Variants in EXOC6 observed in about 807,000 individuals in gnomAD.
The protein encoded by EXOC6 is exocyst complex component 6, also known as SEC15-like 1.
EXOC6 carries 60 observed loss-of-function variants against 112.5 expected under a neutral mutation model. The ratio of observed to expected loss-of-function variants is 0.53; its 90% CI spans 0.43 to 0.66. EXOC6 has a LOEUF of 0.66. Ranked by LOEUF, EXOC6 falls within the 30% of genes least tolerant of loss-of-function variation. The pLI, the probability that EXOC6 is intolerant of heterozygous loss-of-function variation, is 0.00. For synonymous variants in EXOC6, 295 were observed against 308.0 expected (o/e 0.96, Z 0.44); for missense variants, 855 against 957.1 (o/e 0.89, Z 1.41).
At chr10:92,946,322 A>C (rs1371781366) in intron 13 of EXOC6, among the ~76,000 whole-genome samples, 1 of 151,600 alleles carries the variant, frequency 6.6e-6, no homozygotes, top group African/African-American at 2.4e-5. Context: ...TGAACCCGGG[A>C]GGCTGAGGCT....
chr10:93,020,932 T>G (rs896251694), intron 20 of EXOC6, among the ~76,000 whole-genome samples: 2 of 150,690 alleles, frequency 1.3e-5, no homozygotes, highest in Non-Finnish European at 3.0e-5. Context: ...TCTCTAAAAT[T>G]CCCTCATCTG....
At chr10:93,028,424 G>A (rs1208199367) in intron 20 of EXOC6, among the ~76,000 whole-genome samples, 1 of 152,220 alleles carries the variant, frequency 6.6e-6, no homozygotes, top group African/African-American at 2.4e-5. Flanking sequence ...AAATGTGATT[G>A]AGTTGCTAAA....
intron 1 of EXOC6, among the ~76,000 whole-genome samples, chr10:92,868,771 C>A (rs1001053539): frequency 6.7e-6 from 1 of 149,618 alleles, no homozygotes; most frequent in Non-Finnish European, 1.5e-5. Context: ...TTTAATTGGG[C>A]CCTCCCTTCC....
At chr10:93,045,310 T>C (rs1346660127) in intron 20 of EXOC6, among the ~76,000 whole-genome samples, 1 of 152,234 alleles carries the variant, frequency 6.6e-6, no homozygotes, top group Non-Finnish European at 1.5e-5. Flanking sequence ...GAAGACTAAA[T>C]TAATCTAGCT....
chr10:93,018,303 G>A (rs1251831518), intron 20 of EXOC6, among the ~76,000 whole-genome samples: 1 of 152,014 alleles, frequency 6.6e-6, no homozygotes, highest in Admixed American at 6.6e-5. Flanking sequence ...TGGTGAATAT[G>A]TTTTTTAAAT....
At chr10:92,829,850 A>G (rs1846444562), upstream of EXOC6, among the ~76,000 whole-genome samples, 1 of 152,160 alleles carries the variant, frequency 6.6e-6, no homozygotes, top group Non-Finnish European at 1.5e-5. Flanking sequence ...ACTTCTGATC[A>G]TCCTCACTGC....
rs1851338799 is a variant in EXOC6 at position 92,920,004 on chromosome 10, T to A, written c.842T>A (p.Val281Asp). The part of the protein sequence containing the change: ...EEEILTVQDL[V>D]DFSPVYRCLH... ...CAGATCTTAACTGTTCAGGATCTTG[T>A]TGATTTTTCCCCTGTTTATCGATGT... Residue 281 changes from valine to aspartate, a missense_variant, in exon 8 of 22, where the codon GTT becomes GAT. Physicochemically the swap from Val to Asp is radical, Grantham distance 152. Coordinates refer to ENST00000260762, the MANE Select transcript of EXOC6 (RefSeq NM_019053.6). 6 of 1,607,326 alleles carry A rather than the reference T, an allele frequency of 3.7e-6. No individual in the cohort carries two copies. The highest frequency in any genetic ancestry group is 4.2e-6 in the Non-Finnish European group (5 of 1,176,506).
intron 1 of EXOC6, among the ~76,000 whole-genome samples, chr10:92,882,930 A>T (rs1215153311): frequency 6.6e-6 from 1 of 152,240 alleles, no homozygotes; most frequent in African/African-American, 2.4e-5. Context: ...AGGAACAAAT[A>T]GAGTGTCTCA....
chr10:92,952,527 C>A, intron 15 of EXOC6, 145 bp downstream of exon 15: 1 of 640,254 alleles, frequency 1.6e-6, no homozygotes. Context: ...TTGTGTAATG[C>A]TGAGATTTGG....
intron 19 of EXOC6, chr10:92,999,304 C>T: frequency 2.6e-6 from 1 of 390,648 alleles, no homozygotes; most frequent in Non-Finnish European, 5.0e-6. Context: ...CTCAAGTCAT[C>T]CTCCTGCCTT....
chr10:92,975,881 C>T (rs867531821), intron 18 of EXOC6, among the ~76,000 whole-genome samples: 50 of 140,618 alleles, frequency 3.6e-4, no homozygotes, highest in South Asian at 6.9e-4. Flanking sequence ...AGTGAGGAGC[C>T]CCTCTGCCTG....
intron 1 of EXOC6, among the ~76,000 whole-genome samples, chr10:92,884,166 T>C (rs1849095023): frequency 1.3e-5 from 2 of 152,200 alleles, no homozygotes; most frequent in Admixed American, 6.5e-5. Context: ...CCCAAAGTGC[T>C]GGGATTACAG....
At chr10:92,985,152 A>C (rs554251306) in intron 18 of EXOC6, among the ~76,000 whole-genome samples, 8 of 151,594 alleles carry the variant, frequency 5.3e-5, no homozygotes, top group African/African-American at 1.7e-4. Flanking sequence ...CAGGATCCTC[A>C]GCTCTCCCCA....
intron 17 of EXOC6, among the ~76,000 whole-genome samples, chr10:92,973,564 C>T (rs1267007492): frequency 6.6e-6 from 1 of 152,172 alleles, no homozygotes; most frequent in African/African-American, 2.4e-5. Context: ...CCTATTGTTT[C>T]TTTCTTCTCA....
chr10:93,055,752 G>T (rs989790225), intron 20 of EXOC6, among the ~76,000 whole-genome samples: 1 of 152,076 alleles, frequency 6.6e-6, no homozygotes, highest in African/African-American at 2.4e-5. Context: ...AAAATAGAGT[G>T]GCTTTCCATA....
chr10:93,021,626 A>G (rs754707683), intron 20 of EXOC6, among the ~76,000 whole-genome samples: 2 of 152,210 alleles, frequency 1.3e-5, no homozygotes, highest in Non-Finnish European at 2.9e-5. Flanking sequence ...GTGATGTACT[A>G]TTGAAAACAG....
intron 1 of EXOC6, among the ~76,000 whole-genome samples, chr10:92,854,086 A>G (rs757962344): frequency 3.3e-5 from 5 of 152,148 alleles, no homozygotes; most frequent in African/African-American, 4.8e-5. Context: ...CATATCCAAT[A>G]AATAAATTCT....
upstream of EXOC6, among the ~76,000 whole-genome samples, chr10:92,845,811 G>A (rs1236390465): frequency 1.3e-5 from 2 of 150,670 alleles, no homozygotes; most frequent in African/African-American, 4.9e-5. Context: ...GGTGGCACGT[G>A]CCTGTAATCC....
At chr10:93,049,055 G>A (rs1354661074) in intron 20 of EXOC6, among the ~76,000 whole-genome samples, 1 of 151,604 alleles carries the variant, frequency 6.6e-6, no homozygotes, top group Non-Finnish European at 1.5e-5. Context: ...AATGTTAATA[G>A]CAGCATTTTT....
Sources: gnomAD v4.1 joint callset for allele counts (sites outside exome capture counted in the v4.1 genomes callset) on GRCh38, gnomAD v4.1.1 for gene constraint, MANE v1.5 for transcripts, NCBI Gene and HGNC (gene_info 2026-07-23, HGNC 2026-07-21) for gene names.